CD86: variants seen among roughly 807,000 people sequenced by gnomAD.
The protein encoded by CD86 is CD86 molecule.
A neutral mutation model predicts 32.1 loss-of-function variants in CD86; 11 were observed. The observed-to-expected ratio is 0.34, with a 90% CI of 0.22 to 0.57. The LOEUF is 0.57. Among genes scored for constraint, CD86 ranks in the 20% least tolerant of loss-of-function variants. CD86 has a pLI of 0.86. For missense variants in CD86, 359 were observed against 398.4 expected (o/e 0.90, Z 0.84); for synonymous variants, 137 against 135.3 (o/e 1.01, Z -0.09).
At chr3:122,117,956 T>C in intron 5 of CD86, 92 bp from the exon 6 acceptor site, 1 of 1,004,824 alleles carries the variant, frequency 1.0e-6, no homozygotes, top group Non-Finnish European at 1.6e-6. Flanking sequence ...AATTTCTCTC[T>C]CAGTCCCAGA....
At chr3:122,071,744 A>G (rs182385520) in intron 1 of CD86, among the ~76,000 whole-genome samples, 1 of 151,020 alleles carries the variant, frequency 6.6e-6, no homozygotes, top group East Asian at 2.0e-4. Context: ...TTTTTATTAT[A>G]CTTTAAGTTT....
chr3:122,118,099 T>C lies in CD86; in HGVS notation c.893+6T>C. On this transcript the variant is annotated splice_donor_region_variant and intron_variant, in intron 6 of 6. Coordinates refer to ENST00000330540, the MANE Select transcript of CD86 (RefSeq NM_175862.5). ...AGTGAACAGACCAAGAAAAGGTAAA[T>C]CCTGACCCTGAGACATTGATGAGAG... 6.3e-7 allele frequency: 1 copy of C among 1,578,788 alleles called. No homozygotes were observed. Among genetic ancestry groups the C allele is most frequent in the Non-Finnish European group, 8.6e-7 (1 of 1,168,016 alleles).
At chr3:122,084,498 T>G (rs1393001907) in intron 1 of CD86, among the ~76,000 whole-genome samples, 2 of 152,210 alleles carry the variant, frequency 1.3e-5, no homozygotes, top group East Asian at 3.8e-4. Context: ...TAAAAATAGG[T>G]GGTAGCCAGA....
intron 2 of CD86, 47 bp from the exon 3 acceptor site, chr3:122,103,465 C>G: frequency 7.6e-7 from 1 of 1,320,282 alleles, no homozygotes; most frequent in South Asian, 1.4e-5. Flanking sequence ...GGTTTTTTCC[C>G]CTTTCCTCTT....
intron 2 of CD86, among the ~76,000 whole-genome samples, chr3:122,095,670 C>T (rs2072896607): frequency 6.6e-6 from 1 of 152,154 alleles, no homozygotes; most frequent in African/African-American, 2.4e-5. Context: ...ACCTATCATT[C>T]CCAAAGAATT....
At chr3:122,100,422 A>T (rs2072980994) in intron 2 of CD86, among the ~76,000 whole-genome samples, 1 of 152,198 alleles carries the variant, frequency 6.6e-6, no homozygotes, top group African/African-American at 2.4e-5. Flanking sequence ...GGGGTTAAAG[A>T]TGTGGGAGAG....
At chr3:122,093,567 T>G (rs2072860513) in intron 2 of CD86, among the ~76,000 whole-genome samples, 1 of 152,174 alleles carries the variant, frequency 6.6e-6, no homozygotes, top group Non-Finnish European at 1.5e-5. Context: ...TGTAACACAA[T>G]GGTATGTATT....
At chr3:122,086,514 A>G (rs1235433175) in intron 1 of CD86, 5 of 449,064 alleles carry the variant, frequency 1.1e-5, no homozygotes, top group Non-Finnish European at 2.3e-5. Context: ...TTTCTGCCCA[A>G]GTAGTCATAT....
At chr3:122,082,510 C>T (rs1440738968) in intron 1 of CD86, among the ~76,000 whole-genome samples, 2 of 152,202 alleles carry the variant, frequency 1.3e-5, no homozygotes, top group Non-Finnish European at 2.9e-5. Flanking sequence ...TAACTGACCT[C>T]ACAGAACGTG....
At chr3:122,106,840 GCACACACA>G (rs56759758) in intron 4 of CD86, among the ~76,000 whole-genome samples, 1 of 143,476 alleles carries the variant, frequency 7.0e-6, no homozygotes, top group African/African-American at 2.6e-5. Flanking sequence ...ACATGCGCTT[GCACACACA>G]CACACACACA....
At chr3:122,093,074 TG>T (rs2072851417) in intron 2 of CD86, among the ~76,000 whole-genome samples, 1 of 152,204 alleles carries the variant, frequency 6.6e-6, no homozygotes, top group South Asian at 2.1e-4. Context: ...GAGGTATGTG[TG>T]TGTCAGAGAG....
At chr3:122,089,026 A>G (rs2072770484) in intron 1 of CD86, among the ~76,000 whole-genome samples, 2 of 152,244 alleles carry the variant, frequency 1.3e-5, no homozygotes, top group Admixed American at 1.3e-4. Context: ...AACACATGCT[A>G]CAATGTGGAT....
chr3:122,074,124 G>C (rs1410360366), intron 1 of CD86, among the ~76,000 whole-genome samples: 1 of 152,192 alleles, frequency 6.6e-6, no homozygotes, highest in Non-Finnish European at 1.5e-5. Context: ...GCCACAGTGG[G>C]GAATGAGAAT....
chr3:122,115,491 G>C (rs1427377986), intron 5 of CD86, among the ~76,000 whole-genome samples: 1 of 152,008 alleles, frequency 6.6e-6, no homozygotes, highest in Non-Finnish European at 1.5e-5. Flanking sequence ...CTCTCTAATA[G>C]ATACTAAAAA....
At chr3:122,097,921 A>G (rs779900692) in intron 2 of CD86, among the ~76,000 whole-genome samples, 1 of 152,140 alleles carries the variant, frequency 6.6e-6, no homozygotes, top group Admixed American at 6.5e-5. Context: ...CCTAAGAATG[A>G]GGGTGCCTGG....
chr3:122,103,453 G>C (rs557303692), intron 2 of CD86, 59 bp from the exon 3 acceptor site: 1 of 1,095,390 alleles, frequency 9.1e-7, no homozygotes. Context: ...AAGAGAAATG[G>C]AGGTTTTTTC....
chr3:122,055,579 G>A, intron 1 of CD86, 76 bp downstream of exon 1: 1 of 1,312,796 alleles, frequency 7.6e-7, no homozygotes, highest in Non-Finnish European at 1.1e-6. Flanking sequence ...TGAAGATGGT[G>A]CTTTGATGTG....
chr3:122,118,876 GT>G (rs2073298932), intron 6 of CD86, among the ~76,000 whole-genome samples: 1 of 152,148 alleles, frequency 6.6e-6, no homozygotes, highest in Non-Finnish European at 1.5e-5. Context: ...CTTTCACAAC[GT>G]GAAGCTATCA....
chr3:122,083,144 A>G (rs1242451953), intron 1 of CD86, among the ~76,000 whole-genome samples: 1 of 152,212 alleles, frequency 6.6e-6, no homozygotes, highest in Non-Finnish European at 1.5e-5. Context: ...TGCAGTAGCC[A>G]ACTGATTGGT....
Sources: allele counts gnomAD v4.1 joint callset (sites outside exome capture counted in the v4.1 genomes callset), GRCh38; gene constraint gnomAD v4.1.1; transcripts MANE v1.5; gene names NCBI Gene and HGNC (gene_info 2026-07-23, HGNC 2026-07-21).